The following SCLT1 variants were observed in gnomAD, a reference collection of about 807,000 sequenced individuals.
SCLT1 encodes sodium channel and clathrin linker 1.
SCLT1 carries 78 observed loss-of-function variants against 112.8 expected under a neutral mutation model. That is an observed-to-expected ratio of 0.69 (90% CI 0.58 to 0.83). The LOEUF is 0.83. SCLT1 is among the 40% of genes least tolerant of loss of function. SCLT1 has a pLI of 0.00. For missense variants in SCLT1, 747 were observed against 770.4 expected (o/e 0.97, Z 0.36); for synonymous variants, 257 against 254.7 (o/e 1.01, Z -0.09).
chr4:128,989,159 A>C (rs1056567998), intron 9 of SCLT1, among the ~76,000 whole-genome samples: 9 of 151,948 alleles, frequency 5.9e-5, no homozygotes, highest in African/African-American at 2.2e-4. Flanking sequence ...TATTTCATCC[A>C]ACAGGTGAAA....
rs73847398 is a variant in SCLT1 at position 129,073,932 on chromosome 4, G to C, written c.102+8374C>G. On this transcript the variant is annotated intron_variant, in intron 2 of 20. Coordinates refer to ENST00000281142, the MANE Select transcript of SCLT1 (RefSeq NM_144643.4). The stretch of plus-strand genomic sequence containing the variant: ...TCATCTCCTTTGGCTTCTTATGCTA[G>C]TGGGTCCATCTGAACCACTCCCAAC... Among the ~76,000 whole-genome samples, 540 of 151,994 alleles carry C rather than the reference G, an allele frequency of 3.6e-3. 1 individual carries two copies. The highest frequency in any genetic ancestry group is 0.011 in the African/African-American group (442 of 41,450).
intron 11 of SCLT1, among the ~76,000 whole-genome samples, chr4:128,963,121 T>A (rs893712471): frequency 6.6e-6 from 1 of 152,164 alleles, no homozygotes; most frequent in Non-Finnish European, 1.5e-5. Flanking sequence ...AAGAGTCAAT[T>A]ATATTATTGA....
At chr4:129,026,681 G>A (rs990553863) in intron 5 of SCLT1, among the ~76,000 whole-genome samples, 2 of 152,010 alleles carry the variant, frequency 1.3e-5, no homozygotes, top group African/African-American at 4.8e-5. Flanking sequence ...GCTAGCAGAA[G>A]GCAAGAAATA....
intron 2 of SCLT1, 55 bp from the exon 3 acceptor site, chr4:129,044,106 GAT>G (rs1561007359): frequency 1.2e-6 from 1 of 851,790 alleles, no homozygotes; most frequent in Non-Finnish European, 1.9e-6. Context: ...AGCCAAAATT[GAT>G]AGTGATATAA....
At chr4:128,879,580 A>G (rs1732595794), downstream of SCLT1, among the ~76,000 whole-genome samples, 1 of 152,172 alleles carries the variant, frequency 6.6e-6, no homozygotes, top group Admixed American at 6.5e-5. Context: ...TATACCTCAT[A>G]TCTTTGGAAA....
At chr4:128,948,475 A>G (rs752359533) in intron 15 of SCLT1, 21 bp downstream of exon 15, 3 of 1,601,852 alleles carry the variant, frequency 1.9e-6, no homozygotes, top group Middle Eastern at 3.3e-4. Flanking sequence ...TTAGGTAGTT[A>G]TATTTCCTTT....
chr4:128,877,921 T>C (rs1296635936), intron 3 of SCLT1, among the ~76,000 whole-genome samples: 1 of 152,206 alleles, frequency 6.6e-6, no homozygotes, highest in Non-Finnish European at 1.5e-5. Flanking sequence ...TGCATATTTA[T>C]GTAACACACA....
chr4:128,908,854 A>G (rs1417288710), intron 18 of SCLT1, among the ~76,000 whole-genome samples: 1 of 152,200 alleles, frequency 6.6e-6, no homozygotes, highest in East Asian at 1.9e-4. Flanking sequence ...CACGTGTTAA[A>G]GAAGGCGTAC....
At position 128,884,410 on chromosome 4, in the gene SCLT1, T is replaced by C; in HGVS notation, c.*67A>G. ...CTATTATACTTTGCAGGCTTTACCATTTCAATACACTTCTAGTCCAACTGC... is the reference window on the plus strand; with the variant it reads ...CTATTATACTTTGCAGGCTTTACCACTTCAATACACTTCTAGTCCAACTGC... On this transcript the variant is annotated 3_prime_UTR_variant, in exon 21 of 21. Coordinates refer to ENST00000281142, the MANE Select transcript of SCLT1 (RefSeq NM_144643.4). The C allele has an allele frequency of 1.1e-6, 1 of 933,722 alleles. No individual in the cohort carries two copies. Among genetic ancestry groups the C allele is most frequent in the East Asian group, 2.4e-5 (1 of 41,648 alleles). 57.8% of individuals were successfully genotyped at this position (933,722 alleles called of 1,614,324 possible).
At chr4:128,933,626 C>A (rs1227188746) in intron 18 of SCLT1, among the ~76,000 whole-genome samples, 1 of 152,068 alleles carries the variant, frequency 6.6e-6, no homozygotes, top group Non-Finnish European at 1.5e-5. Context: ...GACCTCATTG[C>A]AACTGAATAC....
intron 2 of SCLT1, among the ~76,000 whole-genome samples, chr4:129,052,422 G>C (rs1748887502): frequency 6.6e-6 from 1 of 152,090 alleles, no homozygotes; most frequent in Admixed American, 6.5e-5. Context: ...GGTCTATTCA[G>C]GGATTTGACT....
chr4:129,044,065 T>C lies in SCLT1; in HGVS notation c.103-14A>G, dbSNP rs1474016893. On this transcript the variant is annotated splice_polypyrimidine_tract_variant and intron_variant, in intron 2 of 20. Transcript: ENST00000281142. ...GCAGACAGCTTTCTATAAAAGAATG[T>C]ACATCTTAAAATGTGTTCTCACATC... The C allele has an allele frequency of 2.7e-6, 4 of 1,471,342 alleles. No individual in the cohort carries two copies. The highest frequency in any genetic ancestry group is 3.8e-6 in the Non-Finnish European group (4 of 1,060,792). The allele number at this position is 1,471,342 out of a possible 1,614,324, so 91.1% of individuals were successfully genotyped here.
At chr4:128,992,022 A>G (rs1742616666) in intron 9 of SCLT1, 145 bp downstream of exon 9, 6 of 583,268 alleles carry the variant, frequency 1.0e-5, no homozygotes, top group African/African-American at 7.5e-5. Context: ...TTCCCATCCT[A>G]ACAGATCATA....
intron 9 of SCLT1, among the ~76,000 whole-genome samples, chr4:128,975,953 A>G (rs1460207682): frequency 6.6e-6 from 1 of 152,228 alleles, no homozygotes; most frequent in Non-Finnish European, 1.5e-5. Flanking sequence ...TGGATATTAT[A>G]ATCCATACGC....
intron 8 of SCLT1, among the ~76,000 whole-genome samples, chr4:128,996,833 T>C (rs189312446): frequency 6.6e-6 from 1 of 152,124 alleles, no homozygotes; most frequent in East Asian, 1.9e-4. Flanking sequence ...AACATCCTTT[T>C]CCCATGACTT....
At chr4:128,917,886 G>T (rs190797826) in intron 18 of SCLT1, among the ~76,000 whole-genome samples, 1 of 152,120 alleles carries the variant, frequency 6.6e-6, no homozygotes, top group East Asian at 1.9e-4. Context: ...CGTTGATCTG[G>T]CATCCCAAAA....
intron 20 of SCLT1, among the ~76,000 whole-genome samples, chr4:128,886,140 TGAAAG>T (rs1357489001): frequency 6.6e-6 from 1 of 152,238 alleles, no homozygotes. Flanking sequence ...GTTCTTGCAT[TGAAAG>T]GCTTCACCAC....
At chr4:129,073,274 C>T (rs1024578585) in intron 2 of SCLT1, among the ~76,000 whole-genome samples, 9 of 152,048 alleles carry the variant, frequency 5.9e-5, no homozygotes, top group Non-Finnish European at 1.3e-4. Context: ...TTCCTGTAGT[C>T]GTTCTGGAGC....
intron 18 of SCLT1, among the ~76,000 whole-genome samples, chr4:128,923,038 T>G (rs1256299608): frequency 6.6e-6 from 1 of 152,154 alleles, no homozygotes; most frequent in Non-Finnish European, 1.5e-5. Context: ...TATTTTGGTT[T>G]TAAAATCAAC....
Sources: gnomAD v4.1 joint callset for allele counts (sites outside exome capture counted in the v4.1 genomes callset) on GRCh38, gnomAD v4.1.1 for gene constraint, MANE v1.5 for transcripts, NCBI Gene and HGNC (gene_info 2026-07-23, HGNC 2026-07-21) for gene names.